Variants in CNTNAP4 observed in about 807,000 individuals in gnomAD.
The protein encoded by CNTNAP4 is contactin associated protein family member 4, also known as contactin-associated protein-like 4.
A neutral mutation model predicts 148.4 loss-of-function variants in CNTNAP4; 98 were observed. The observed-to-expected ratio is 0.66, with a 90% CI of 0.56 to 0.78. CNTNAP4 has a LOEUF of 0.78. Among genes scored for constraint, CNTNAP4 ranks in the 30% least tolerant of loss-of-function variants. The pLI is 0.00. For missense variants in CNTNAP4, 1,935 were observed against 1,565.6 expected, an observed-to-expected ratio of 1.24 and a Z score of -3.98; for synonymous variants, 730 against 565.1, an observed-to-expected ratio of 1.29 and a Z score of -4.14.
intron 12 of CNTNAP4, among the ~76,000 whole-genome samples, chr16:76,485,897 C>G (rs1426157756): frequency 6.6e-6 from 1 of 152,200 alleles, no homozygotes; most frequent in African/African-American, 2.4e-5. Context: ...CTCCTGTCTC[C>G]TCTGCTTTCC....
In CNTNAP4 at chr16:76,537,971, A is replaced by G. The variant is rs1259049993; in HGVS notation, c.2996-145A>G. 1.5e-5 allele frequency: 5 copies of G among 329,458 alleles called. No homozygotes were observed. In the East Asian group the frequency reaches 2.6e-4, roughly 17 times the overall value. 20.4% of individuals were successfully genotyped at this position (329,458 alleles called of 1,614,324 possible). A position where few individuals can be genotyped will look rare whatever the true frequency, so the allele number is the denominator to read the frequency against. On this transcript the variant is annotated intron_variant, in intron 18 of 23. Transcript: ENST00000611870. ...AAAGATCATTTTGAAAGCTCTATTA[A>G]CTTACTTTATTATTTGATTCTATTT... is the stretch of plus-strand genomic sequence containing the variant.
intron 1 of CNTNAP4, among the ~76,000 whole-genome samples, chr16:76,314,113 TAGAC>T (rs1961442764): frequency 6.6e-6 from 1 of 151,522 alleles, no homozygotes; most frequent in East Asian, 1.9e-4. Flanking sequence ...AAAGGGTAGA[TAGAC>T]GATAAATATG....
At chr16:76,297,623 A>G (rs1410628178) in intron 1 of CNTNAP4, among the ~76,000 whole-genome samples, 1 of 152,172 alleles carries the variant, frequency 6.6e-6, no homozygotes, top group Non-Finnish European at 1.5e-5. Context: ...AGGCTATGAC[A>G]TAATCTATTA....
chr16:76,449,078 A>G, intron 6 of CNTNAP4, 127 bp downstream of exon 6: 2 of 865,804 alleles, frequency 2.3e-6, no homozygotes, highest in East Asian at 2.7e-5. Context: ...GCATTTCCCA[A>G]GGCAGTCTAA....
Position 76,560,729 on chromosome 16 carries a change from C to T in CNTNAP4, c.*2046C>T, listed in dbSNP as rs3890829. Among the ~76,000 whole-genome samples the T allele has an allele frequency of 0.065, 9,860 of 152,208 alleles. 531 individuals are homozygous for T. Among genetic ancestry groups the T allele is most frequent in the East Asian group, 0.21 (1,089 of 5,174 alleles). The stretch of plus-strand genomic sequence containing the variant: ...CCTGATTTGTAATCTCTTATTTTAT[C>T]ATTAATAAAATGCATTTTTGAACTA... On this transcript the variant is annotated 3_prime_UTR_variant, in exon 24 of 24. Transcript: ENST00000611870.
At chr16:76,501,447 T>C (rs546574615) in intron 15 of CNTNAP4, among the ~76,000 whole-genome samples, 1 of 152,308 alleles carries the variant, frequency 6.6e-6, no homozygotes, top group South Asian at 2.1e-4. Flanking sequence ...TCCCTTAGAC[T>C]TTCTTTCTCC....
chr16:76,498,080 C>T (rs545884752), intron 14 of CNTNAP4, among the ~76,000 whole-genome samples: 6 of 152,254 alleles, frequency 3.9e-5, no homozygotes, highest in African/African-American at 1.2e-4. Flanking sequence ...ATATTTTCTA[C>T]AAGAGACATT....
At chr16:76,284,978 G>A (rs536902891) in intron 1 of CNTNAP4, among the ~76,000 whole-genome samples, 123 of 152,100 alleles carry the variant, frequency 8.1e-4, no homozygotes, top group African/African-American at 2.9e-3. Context: ...TCTTTTGTTA[G>A]GGTCTTCATA....
At chr16:76,400,615 A>T (rs539968902) in intron 3 of CNTNAP4, among the ~76,000 whole-genome samples, 2 of 152,090 alleles carry the variant, frequency 1.3e-5, no homozygotes, top group African/African-American at 4.8e-5. Flanking sequence ...ATCTTTGCCC[A>T]TTGTATGTCC....
intron 3 of CNTNAP4, among the ~76,000 whole-genome samples, chr16:76,374,222 C>A (rs2015175675): frequency 6.6e-6 from 1 of 152,042 alleles, no homozygotes; most frequent in Admixed American, 6.6e-5. Context: ...CCTCAGGGGG[C>A]AATCACTTTA....
intron 3 of CNTNAP4, among the ~76,000 whole-genome samples, chr16:76,421,924 T>C (rs1384106197): frequency 6.6e-6 from 1 of 152,164 alleles, no homozygotes; most frequent in African/African-American, 2.4e-5. Flanking sequence ...ATGTTTCTGA[T>C]TTATAACAGT....
chr16:76,412,073 G>A (rs931063322), intron 3 of CNTNAP4, among the ~76,000 whole-genome samples: 1 of 151,226 alleles, frequency 6.6e-6, no homozygotes, highest in African/African-American at 2.4e-5. Flanking sequence ...TAAATATCTG[G>A]CTCCTTGGGT....
intron 4 of CNTNAP4, among the ~76,000 whole-genome samples, chr16:76,430,806 T>C (rs1003382128): frequency 3.9e-5 from 6 of 152,144 alleles, no homozygotes; most frequent in Admixed American, 3.9e-4. Context: ...TTAAGAGAAA[T>C]TGGTAACTTC....
intron 15 of CNTNAP4, among the ~76,000 whole-genome samples, chr16:76,514,726 A>G (rs1046765924): frequency 9.1e-6 from 1 of 110,166 alleles, no homozygotes. Flanking sequence ...TATTGAGGTT[A>G]ATAAATAGTT....
intron 1 of CNTNAP4, among the ~76,000 whole-genome samples, chr16:76,283,257 T>C (rs561818032): frequency 6.6e-6 from 1 of 151,992 alleles, no homozygotes; most frequent in Non-Finnish European, 1.5e-5. Context: ...TTAAACAATA[T>C]TGAGGCCTTA....
chr16:76,547,462 A>G (rs1489389564), intron 21 of CNTNAP4, among the ~76,000 whole-genome samples: 4 of 152,232 alleles, frequency 2.6e-5, no homozygotes, highest in African/African-American at 9.6e-5. Flanking sequence ...TGTGTCAAAT[A>G]CATAATGGCA....
intron 15 of CNTNAP4, among the ~76,000 whole-genome samples, chr16:76,515,566 C>T (rs953163904): frequency 6.6e-6 from 1 of 152,148 alleles, no homozygotes; most frequent in Non-Finnish European, 1.5e-5. Flanking sequence ...TTTTAGCCTC[C>T]AGCACTGTGA....
intron 3 of CNTNAP4, among the ~76,000 whole-genome samples, chr16:76,406,987 C>G (rs2078619757): frequency 6.6e-6 from 1 of 152,130 alleles, no homozygotes; most frequent in African/African-American, 2.4e-5. Context: ...AAACAGCCTT[C>G]TATTGGAAGA....
At chr16:76,353,681 TCCTACAGC>T (rs2012165701) in intron 2 of CNTNAP4, among the ~76,000 whole-genome samples, 1 of 152,092 alleles carries the variant, frequency 6.6e-6, no homozygotes, top group Non-Finnish European at 1.5e-5. Context: ...AGAAGCTGCC[TCCTACAGC>T]TCCAGTTTAC....
Sources: gnomAD v4.1 joint callset for allele counts (sites outside exome capture counted in the v4.1 genomes callset) on GRCh38, gnomAD v4.1.1 for gene constraint, MANE v1.5 for transcripts, NCBI Gene and HGNC (gene_info 2026-07-23, HGNC 2026-07-21) for gene names.